Variants in RAP1A observed in about 807,000 individuals in gnomAD.
RAP1A encodes the protein RAP1A, member of RAS oncogene family, also known as ras-related protein Rap-1A.
Under a neutral mutation model 26.4 loss-of-function variants are expected in RAP1A, and 6 were observed. The observed-to-expected ratio is 0.23, with a 90% CI of 0.12 to 0.45. RAP1A has a LOEUF of 0.45. Ranked by LOEUF, RAP1A falls within the 20% of genes least tolerant of loss-of-function variation. The probability of loss-of-function intolerance (pLI) is 0.99; values close to 1 mark genes in which losing one functional copy is unlikely to be tolerated. For missense variants in RAP1A, 121 were observed against 217.2 expected (o/e 0.56, Z 2.78); for synonymous variants, 73 against 79.4 (o/e 0.92, Z 0.43).
At chr1:111,597,126 C>T (rs1334350832) in intron 1 of RAP1A, among the ~76,000 whole-genome samples, 1 of 152,176 alleles carries the variant, frequency 6.6e-6, no homozygotes, top group Non-Finnish European at 1.5e-5. Flanking sequence ...TCAGTTTCCA[C>T]TTTTTAATAT....
chr1:111,586,673 G>C (rs1658370705), intron 1 of RAP1A, among the ~76,000 whole-genome samples: 1 of 152,246 alleles, frequency 6.6e-6, no homozygotes, highest in South Asian at 2.1e-4. Flanking sequence ...CCTCCAGTGA[G>C]AGAGGAGTGG....
chr1:111,712,972 G>GA lies in RAP1A; in HGVS notation c.*578dup, dbSNP rs869137042. 6.6e-6 allele frequency: 1 copy of GA among 152,186 alleles called. No homozygotes were observed. The highest frequency in any genetic ancestry group is 2.4e-5 in the African/African-American group (1 of 41,342). 9.4% of individuals were successfully genotyped at this position (152,186 alleles called of 1,614,324 possible). On this transcript the variant is annotated 3_prime_UTR_variant, in exon 8 of 8. Transcript: ENST00000369709. Reference sequence around the variant, plus strand: ...CTTTGGAAAAATGGGTCTTTTATAGGAAAAAAACTGGGATAACTGATTTCT... The same window carrying GA: ...CTTTGGAAAAATGGGTCTTTTATAGGAAAAAAAACTGGGATAACTGATTTCT...
In RAP1A at chr1:111,587,178, T is replaced by C. The variant is rs1010503126; in HGVS notation, c.-28+44669T>C. On this transcript the variant is annotated intron_variant, in intron 1 of 7. Transcript: ENST00000356415. ...CTGCATCCAGGTGGCTACAAGCAATTATATAGATTCATTTGCTCCAACTTT... is the reference window on the plus strand; with the variant it reads ...CTGCATCCAGGTGGCTACAAGCAATCATATAGATTCATTTGCTCCAACTTT... Among the ~76,000 whole-genome samples, 13 of 152,226 alleles carry C rather than the reference T, an allele frequency of 8.5e-5. No homozygotes were observed. In the East Asian group the frequency reaches 2.5e-3, roughly 29 times the overall value.
intron 1 of RAP1A, among the ~76,000 whole-genome samples, chr1:111,593,433 T>A (rs967600454): frequency 2.0e-5 from 3 of 152,148 alleles, no homozygotes; most frequent in African/African-American, 7.2e-5. Context: ...TTGGGAATGT[T>A]TAGAATGCAT....
At chr1:111,706,192 T>C (rs1426748611) in intron 6 of RAP1A, among the ~76,000 whole-genome samples, 1 of 152,222 alleles carries the variant, frequency 6.6e-6, no homozygotes, top group Non-Finnish European at 1.5e-5. Flanking sequence ...ATACAAACTT[T>C]ATGCTCAGTT....
intron 1 of RAP1A, among the ~76,000 whole-genome samples, chr1:111,611,232 T>C (rs1279450633): frequency 6.6e-6 from 1 of 152,226 alleles, no homozygotes; most frequent in African/African-American, 2.4e-5. Context: ...TGTAAAAGTT[T>C]GCCCAAATTT....
intron 7 of RAP1A, among the ~76,000 whole-genome samples, chr1:111,710,529 GTTGGAGTAAACTGGTCCCAC>G (rs1392017075): frequency 6.6e-6 from 1 of 152,224 alleles, no homozygotes; most frequent in African/African-American, 2.4e-5. Context: ...TTGGTCTCCA[GTTGGAGTAAACTGGTCCCAC>G]TGGAAAGTTG....
chr1:111,621,639 C>A (rs116379202), intron 1 of RAP1A, among the ~76,000 whole-genome samples: 2 of 152,176 alleles, frequency 1.3e-5, no homozygotes, highest in African/African-American at 2.4e-5. Flanking sequence ...CAGTCCATTT[C>A]CAGTTTGTAA....
chr1:111,645,622 A>G lies in RAP1A; in HGVS notation c.-28+25688A>G, dbSNP rs115935721. 9.3e-3 allele frequency among the ~76,000 whole-genome samples: 1,420 copies of G among 152,362 alleles called. 21 individuals carry two copies. Among genetic ancestry groups the G allele is most frequent in the African/African-American group, 0.033 (1,355 of 41,572 alleles). ...ACTCAAAGATGGTGGTGTATAACTTATAGAACTCCCATTCTGTGTTGGGCG... is the reference window on the plus strand; with the variant it reads ...ACTCAAAGATGGTGGTGTATAACTTGTAGAACTCCCATTCTGTGTTGGGCG... On this transcript the variant is annotated intron_variant, in intron 1 of 7. Transcript: ENST00000369709.
chr1:111,702,559 G>A (rs1662056129), intron 4 of RAP1A, among the ~76,000 whole-genome samples: 1 of 151,578 alleles, frequency 6.6e-6, no homozygotes, highest in Admixed American at 6.6e-5. Flanking sequence ...GAAAATACAT[G>A]AACAAGCTCT....
intron 1 of RAP1A, among the ~76,000 whole-genome samples, chr1:111,620,660 C>G (rs1659172038): frequency 6.6e-6 from 1 of 152,222 alleles, no homozygotes; most frequent in Admixed American, 6.5e-5. Context: ...ACCCTCATGT[C>G]TTCCGTAGCT....
At chr1:111,699,982 T>C (rs1264498554) in intron 4 of RAP1A, among the ~76,000 whole-genome samples, 1 of 152,198 alleles carries the variant, frequency 6.6e-6, no homozygotes, top group East Asian at 1.9e-4. Flanking sequence ...GTAAAACCTT[T>C]ATTCATTTGG....
upstream of RAP1A, chr1:111,619,767 T>C (rs1013397198): frequency 1.7e-4 from 68 of 395,898 alleles, no homozygotes; most frequent in Non-Finnish European, 2.1e-4. Context: ...GGTGCGTGCG[T>C]GCGCGTTCTG....
At chr1:111,673,116 A>G (rs970717035) in intron 1 of RAP1A, among the ~76,000 whole-genome samples, 2 of 152,202 alleles carry the variant, frequency 1.3e-5, no homozygotes, top group Admixed American at 1.3e-4. Context: ...CACATTACCA[A>G]AAAGTACAGT....
chr1:111,628,176 A>G (rs1659457926), intron 1 of RAP1A, among the ~76,000 whole-genome samples: 1 of 152,224 alleles, frequency 6.6e-6, no homozygotes, highest in Non-Finnish European at 1.5e-5. Flanking sequence ...TAGGTATTTA[A>G]TAAAAACTAG....
At chr1:111,689,426 C>T (rs1661600722) in intron 1 of RAP1A, among the ~76,000 whole-genome samples, 1 of 151,932 alleles carries the variant, frequency 6.6e-6, no homozygotes, top group African/African-American at 2.4e-5. Context: ...TCTTCAGATC[C>T]CCTGAACTTT....
intron 1 of RAP1A, among the ~76,000 whole-genome samples, chr1:111,663,135 A>ATCTCCTGACC (rs1660691419): frequency 6.6e-6 from 1 of 152,032 alleles, no homozygotes; most frequent in African/African-American, 2.4e-5. Context: ...GATGGTCTTG[A>ATCTCCTGACC]TCTCCTGACC....
chr1:111,640,273 C>G (rs1024662434), intron 1 of RAP1A, among the ~76,000 whole-genome samples: 3 of 152,118 alleles, frequency 2.0e-5, no homozygotes, highest in Non-Finnish European at 2.9e-5. Flanking sequence ...TTGATTTTAA[C>G]TAAATATTAT....
chr1:111,552,262 T>G (rs1657292921), intron 1 of RAP1A, among the ~76,000 whole-genome samples: 1 of 152,200 alleles, frequency 6.6e-6, no homozygotes, highest in Non-Finnish European at 1.5e-5. Flanking sequence ...CTCCTTCTTC[T>G]GGTACTGGTG....
Sources: allele counts gnomAD v4.1 joint callset (sites outside exome capture counted in the v4.1 genomes callset), GRCh38; gene constraint gnomAD v4.1.1; transcripts MANE v1.5; gene names NCBI Gene and HGNC (gene_info 2026-07-23, HGNC 2026-07-21).